Variants in TCF15 observed in about 807,000 individuals in gnomAD.
TCF15 encodes TCF-15.
TCF15 carries 7 observed loss-of-function variants against 11.1 expected under a neutral mutation model. The observed-to-expected ratio is 0.63, with a 90% CI of 0.36 to 1.19. The LOEUF (loss-of-function observed/expected upper bound fraction) is 1.19. TCF15 is among the 50% of genes most tolerant of loss of function. TCF15 has a pLI of 0.02. For synonymous variants in TCF15, 144 were observed against 138.9 expected, an observed-to-expected ratio of 1.04 and a Z score of -0.26; for missense variants, 288 against 289.4, an observed-to-expected ratio of 1.00 and a Z score of 0.03.
Position 604,734 on chromosome 20 carries a change from T to C in TCF15, c.526-69A>G. The C allele has an allele frequency of 1.6e-6, 2 of 1,237,248 alleles. No homozygotes were observed. Among genetic ancestry groups the C allele is most frequent in the South Asian group, 3.0e-5 (2 of 66,528 alleles). The allele number at this position is 1,237,248 out of a possible 1,614,324, so 76.6% of individuals were successfully genotyped here. A position where few individuals can be genotyped will look rare whatever the true frequency, so the allele number is the denominator to read the frequency against. The stretch of plus-strand genomic sequence containing the variant: ...GTGTGAACACTGGAACTAACCTCTG[T>C]ATCCCTCAAGAGGGATCCTGATCAA... On this transcript the variant is annotated intron_variant, in intron 1 of 1. Coordinates refer to ENST00000246080, the MANE Select transcript of TCF15 (RefSeq NM_004609.4). The surrounding 1 kb of genome is among the most constrained non-coding windows in gnomAD (Gnocchi z 4.2).
intron 1 of TCF15, among the ~76,000 whole-genome samples, chr20:605,294 C>G (rs1427779167): frequency 6.6e-6 from 1 of 152,240 alleles, no homozygotes; most frequent in African/African-American, 2.4e-5. Flanking sequence ...TGGTCCTCCC[C>G]CTGCCTGACT....
Position 610,072 on chromosome 20 carries a change from C to T in TCF15, c.166G>A (p.Gly56Arg), listed in dbSNP as rs1223613103. 6.0e-5 allele frequency: 60 copies of T among 999,232 alleles called. No homozygotes were observed. The highest frequency in any genetic ancestry group is 7.1e-5 in the Non-Finnish European group (60 of 840,904). 61.9% of individuals were successfully genotyped at this position (999,232 alleles called of 1,614,324 possible). A position where few individuals can be genotyped will look rare whatever the true frequency, so the allele number is the denominator to read the frequency against. ...AARRGPGPGG[G>R]RRAGGGGGAG... The stretch of plus-strand genomic sequence containing the variant: ...CCGCCGCCGCCGCCCGCCCGCCGCC[C>T]GCCCCCGGGGCCCGGGCCGCGCCGC... Residue 56 changes from glycine to arginine, a missense_variant, in exon 1 of 2, where the codon GGG becomes AGG. Gly to Arg is a moderately radical substitution (Grantham distance 125). Coordinates refer to ENST00000246080, the MANE Select transcript of TCF15 (RefSeq NM_004609.4).
chr20:608,087 CCT>C (rs1329621718), intron 1 of TCF15, among the ~76,000 whole-genome samples: 1 of 152,170 alleles, frequency 6.6e-6, no homozygotes, highest in African/African-American at 2.4e-5. Context: ...TCGGCCTGCC[CCT>C]GTTCTAAAGC....
In TCF15 at chr20:609,743, G is replaced by A; in HGVS notation, c.495C>T (p.Cys165=). Residue 165 remains cysteine (C), a synonymous_variant, in exon 1 of 2, where the codon TGC becomes TGT. Coordinates refer to ENST00000246080, the MANE Select transcript of TCF15 (RefSeq NM_004609.4). The surrounding 1 kb of genome is among the most constrained non-coding windows in gnomAD (Gnocchi z 4.7). ...ADGGRQPRSI[C]TFCLSNQRKG... The stretch of plus-strand genomic sequence containing the variant: ...TGCGCTGGTTGCTGAGGCAGAAGGT[G>A]CAGATGGAGCGCGGCTGGCGGCCGC... 1 of 1,406,902 alleles carries A rather than the reference G, an allele frequency of 7.1e-7. No individual in the cohort carries two copies. Among genetic ancestry groups the A allele is most frequent in the Non-Finnish European group, 9.2e-7 (1 of 1,092,802 alleles). 87.2% of individuals were successfully genotyped at this position (1,406,902 alleles called of 1,614,324 possible).
intron 1 of TCF15, among the ~76,000 whole-genome samples, chr20:608,112 T>G (rs2019991871): frequency 6.6e-6 from 1 of 152,134 alleles, no homozygotes; most frequent in African/African-American, 2.4e-5. Context: ...CCTTCAGAAA[T>G]GAGACACAGA....
chr20:605,606 T>A (rs895335186), intron 1 of TCF15, among the ~76,000 whole-genome samples: 4 of 152,178 alleles, frequency 2.6e-5, no homozygotes, highest in Non-Finnish European at 5.9e-5. Flanking sequence ...TGGGCTCTCT[T>A]GGCCCAGGAC....
At position 604,612 on chromosome 20, in the gene TCF15, G is replaced by C; in HGVS notation, c.579C>G (p.Pro193=). 1.9e-6 allele frequency: 3 copies of C among 1,553,692 alleles called. No homozygotes were observed. The highest frequency in any genetic ancestry group is 2.4e-5 in the South Asian group (2 of 84,142). Residue 193 remains proline, a synonymous_variant, in exon 2 of 2, where the codon CCC becomes CCG. Transcript: ENST00000246080. The surrounding 1 kb of genome is among the most constrained non-coding windows in gnomAD (Gnocchi z 4.2). The part of the protein sequence containing the change: ...GSCLKVRGVA[P]LRGPRR ...AGGCTCATCTCCGTGGCCCTCGAAGGGGGGCCACCCCCCTCACCTTCAAGC... is the reference window on the plus strand; with the variant it reads ...AGGCTCATCTCCGTGGCCCTCGAAGCGGGGCCACCCCCCTCACCTTCAAGC...
Position 609,632 on chromosome 20 carries a change from G to A in TCF15, c.525+81C>T, listed in dbSNP as rs1196410289. On this transcript the variant is annotated intron_variant, in intron 1 of 1. Coordinates refer to ENST00000246080, the MANE Select transcript of TCF15 (RefSeq NM_004609.4). The surrounding 1 kb of genome is among the most constrained non-coding windows in gnomAD (Gnocchi z 4.7). ...CCCCCTGGCCTCGTTGGGGACCCCT[G>A]CACCTCTCCGGTTCCCGCAGAGGCG... The A allele has an allele frequency of 7.7e-7, 1 of 1,302,856 alleles. No homozygotes were observed. The highest frequency in any genetic ancestry group is 9.7e-7 in the Non-Finnish European group (1 of 1,031,992). 80.7% of individuals were successfully genotyped at this position (1,302,856 alleles called of 1,614,324 possible). A position where few individuals can be genotyped will look rare whatever the true frequency, so the allele number is the denominator to read the frequency against.
chr20:607,445 A>C (rs282163), intron 1 of TCF15, among the ~76,000 whole-genome samples: 123,251 of 152,166 alleles, frequency 0.81, 50,126 homozygotes, highest in East Asian at 1. Flanking sequence ...CTTCTGGCCC[A>C]CAAAGCTCAG....
rs149260655 is a variant in TCF15, at chr20:609,925, C to G, written c.313G>C (p.Asp105His). 6.4e-5 allele frequency: 98 copies of G among 1,521,172 alleles called. 1 individual carries two copies. The highest frequency in any genetic ancestry group is 8.4e-5 in the Non-Finnish European group (96 of 1,144,014). 94.2% of individuals were successfully genotyped at this position (1,521,172 alleles called of 1,614,324 possible). The change falls in exon 1 of 2, where the codon GAC becomes CAC. Residue 105 changes from aspartate to histidine, a missense_variant. Physicochemically the swap from Asp to His is moderately conservative, Grantham distance 81 (BLOSUM62 -1). Coordinates refer to ENST00000246080, the MANE Select transcript of TCF15 (RefSeq NM_004609.4). The surrounding 1 kb of genome is among the most constrained non-coding windows in gnomAD (Gnocchi z 4.7). ...LRTLIPTEPV[D>H]RKLSKIETVR... The stretch of plus-strand genomic sequence containing the variant: ...GTCTCGATCTTGGACAGCTTGCGGT[C>G]CACCGGCTCGGTGGGGATGAGCGTG...
At position 610,088 on chromosome 20, in the gene TCF15, G is replaced by A. The variant is rs2020011461; in HGVS notation, c.150C>T (p.Gly50=). Residue 50 remains glycine, a synonymous_variant, in exon 1 of 2, where the codon GGC becomes GGT. Coordinates refer to ENST00000246080, the MANE Select transcript of TCF15 (RefSeq NM_004609.4). ...CCEGPEAARR[G]PGPGGGRRAG... ...CCCGCCGCCCGCCCCCGGGGCCCGG[G>A]CCGCGCCGCGCCGCCTCCGGGCCCT... The A allele has an allele frequency of 1.0e-5, 10 of 984,054 alleles. No homozygotes were observed. Among genetic ancestry groups the A allele is most frequent in the Admixed American group, 6.3e-5 (1 of 15,954 alleles). The allele number at this position is 984,054 out of a possible 1,614,324, so 61.0% of individuals were successfully genotyped here.
chr20:606,039 A>G (rs1018017149), intron 1 of TCF15, among the ~76,000 whole-genome samples: 4 of 152,196 alleles, frequency 2.6e-5, no homozygotes, highest in Non-Finnish European at 5.9e-5. Context: ...ACCATCTGGG[A>G]GCTCTGTCCC....
Position 604,658 on chromosome 20 carries a change from C to T in TCF15, c.533G>A (p.Arg178His), listed in dbSNP as rs374901419. 2.8e-5 allele frequency: 43 copies of T among 1,551,902 alleles called. No individual in the cohort carries two copies. In the Middle Eastern group the frequency reaches 5.0e-4, roughly 18 times the overall value. The change falls in exon 2 of 2, where the codon CGT (arginine) becomes CAT (histidine). Residue 178 changes from arginine to histidine, a missense_variant. Coordinates refer to ENST00000246080, the MANE Select transcript of TCF15 (RefSeq NM_004609.4). This position sits in a 1 kb window ranked among gnomAD's most constrained non-coding sequence, Gnocchi z 4.2. The stretch of plus-strand genomic sequence containing the variant: ...CAAGCAGCTGCCCCCCAGGTCACGA[C>T]GGCCACCCTGCAGAGGGGGAGAAAG... ...CLSNQRKGGG[R>H]RDLGGSCLKV...
intron 1 of TCF15, among the ~76,000 whole-genome samples, chr20:607,073 G>C (rs777625944): frequency 6.6e-6 from 1 of 152,180 alleles, no homozygotes; most frequent in Non-Finnish European, 1.5e-5. Context: ...TAAAGCCTTG[G>C]CACAGTGTTG....
In TCF15 at chr20:609,419, C is replaced by T. The variant is rs2020002777; in HGVS notation, c.525+294G>A. Among the ~76,000 whole-genome samples the T allele has an allele frequency of 1.3e-5, 2 of 152,224 alleles. No homozygotes were observed. Among genetic ancestry groups the T allele is most frequent in the Non-Finnish European group, 2.9e-5 (2 of 68,044 alleles). ...AAAAGATGGGTCTTTGTTACTCAGTCCTCATGCCGTCTTCCCAGCAGGAAG... is the reference window on the plus strand; with the variant it reads ...AAAAGATGGGTCTTTGTTACTCAGTTCTCATGCCGTCTTCCCAGCAGGAAG... On this transcript the variant is annotated intron_variant, in intron 1 of 1. Coordinates refer to ENST00000246080, the MANE Select transcript of TCF15 (RefSeq NM_004609.4). The surrounding 1 kb of genome is among the most constrained non-coding windows in gnomAD (Gnocchi z 4.7).
intron 1 of TCF15, among the ~76,000 whole-genome samples, chr20:606,701 C>A (rs988295005): frequency 4.5e-4 from 69 of 152,002 alleles, no homozygotes; most frequent in African/African-American, 1.7e-3. Context: ...ACCTGTAATC[C>A]CAGCTACTTG....
rs115880698 is a variant in TCF15 at position 607,113 on chromosome 20, A to G, written c.526-2448T>C. ...CAAAGTAAATGTTCAATAAATGTTC[A>G]TAAGTATTATTATCAGCATCATCTA... is the stretch of plus-strand genomic sequence containing the variant. On this transcript the variant is annotated intron_variant, in intron 1 of 1. Transcript: ENST00000246080. Among the ~76,000 whole-genome samples, 828 of 152,328 alleles carry G rather than the reference A, an allele frequency of 5.4e-3. 6 individuals carry two copies. Among genetic ancestry groups the G allele is most frequent in the African/African-American group, 0.019 (771 of 41,560 alleles).
rs772834611 is a variant in TCF15, at chr20:609,883, T to G, written c.355A>C (p.Ser119Arg). ...SKIETVRLAS[S>R]YIAHLANVLL... is the part of the protein sequence containing the mutation. ...ACGTTGGCCAGGTGCGCGATGTAGC[T>G]GGACGCCAGGCGCACGGTCTCGATC... is the stretch of plus-strand genomic sequence containing the variant. Residue 119 changes from serine to arginine, a missense_variant, in exon 1 of 2, where the codon AGC becomes CGC. Ser to Arg is a moderately radical substitution (Grantham distance 110, BLOSUM62 -1). Coordinates refer to ENST00000246080, the MANE Select transcript of TCF15 (RefSeq NM_004609.4). This position sits in a 1 kb window ranked among gnomAD's most constrained non-coding sequence, Gnocchi z 4.7. 6.5e-7 allele frequency: 1 copy of G among 1,528,026 alleles called. No individual in the cohort carries two copies. The highest frequency in any genetic ancestry group is 1.4e-5 in the African/African-American group (1 of 70,070). 94.7% of individuals were successfully genotyped at this position (1,528,026 alleles called of 1,614,324 possible).
At position 604,422 on chromosome 20, in the gene TCF15, C is replaced by A; in HGVS notation, c.*169G>T. ...GCTGGGCAGGCTGAATGGATCCTCA[C>A]AGCTCTCCAGGATCGGGTGGAGATG... On this transcript the variant is annotated 3_prime_UTR_variant, in exon 2 of 2. Transcript: ENST00000246080. The surrounding 1 kb of genome is among the most constrained non-coding windows in gnomAD (Gnocchi z 4.2). 1 of 660,100 alleles carries A rather than the reference C, an allele frequency of 1.5e-6. No homozygotes were observed. The allele number at this position is 660,100 out of a possible 1,614,324, so 40.9% of individuals were successfully genotyped here.
Sources: gnomAD v4.1 joint callset for allele counts (sites outside exome capture counted in the v4.1 genomes callset) on GRCh38, gnomAD v4.1.1 for gene constraint, Gnocchi (gnomAD v3.1) non-coding constraint, MANE v1.5 for transcripts, NCBI Gene and HGNC (gene_info 2026-07-23, HGNC 2026-07-21) for gene names.